SSBP4: variants seen among roughly 807,000 people sequenced by gnomAD.
SSBP4 encodes single stranded DNA binding protein 4.
A neutral mutation model predicts 64.6 loss-of-function variants in SSBP4; 33 were observed. That is an observed-to-expected ratio of 0.51 (90% CI 0.39 to 0.68). The LOEUF (loss-of-function observed/expected upper bound fraction) is 0.68. Ranked by LOEUF, SSBP4 falls within the 30% of genes least tolerant of loss-of-function variation. SSBP4 has a pLI of 0.00. For synonymous variants in SSBP4, 243 were observed against 224.0 expected, an observed-to-expected ratio of 1.08 and a Z score of -0.76; for missense variants, 583 against 566.8, an observed-to-expected ratio of 1.03 and a Z score of -0.29.
chr19:18,421,011 G>A (rs959298871), intron 1 of SSBP4, among the ~76,000 whole-genome samples: 1 of 151,984 alleles, frequency 6.6e-6, no homozygotes, highest in African/African-American at 2.4e-5. Context: ...CAGCAGGGAG[G>A]GGTCCCATGA....
chr19:18,434,261 C>CGGGCCTCTCTGCGGGCCT lies in SSBP4; in HGVS notation c.*16_*33dup. ...TGAGCGTGTGATGGGGCGGCAGCCCCGGGCCTCTCTGCGGGCCTAGGCTTC... is the reference window on the plus strand; with the variant it reads ...TGAGCGTGTGATGGGGCGGCAGCCCCGGGCCTCTCTGCGGGCCTGGGCCTCTCTGCGGGCCTAGGCTTC... On this transcript the variant is annotated 3_prime_UTR_variant, in exon 18 of 18. Transcript: ENST00000270061. The CGGGCCTCTCTGCGGGCCT allele has an allele frequency of 6.2e-7, 1 of 1,610,886 alleles. No homozygotes were observed. Among genetic ancestry groups the CGGGCCTCTCTGCGGGCCT allele is most frequent in the Non-Finnish European group, 8.5e-7 (1 of 1,179,196 alleles).
the SSBP4 span, among the ~76,000 whole-genome samples, chr19:18,413,284 C>T: frequency 2.6e-5 from 4 of 151,828 alleles, no homozygotes; most frequent in Non-Finnish European, 5.9e-5. Flanking sequence ...TCTCAGCTCA[C>T]GGCAACCTCC....
chr19:18,416,674 C>T (rs1972133079), upstream of SSBP4, among the ~76,000 whole-genome samples: 2 of 152,256 alleles, frequency 1.3e-5, no homozygotes, highest in South Asian at 4.1e-4. Flanking sequence ...CTGGCTCTGC[C>T]TCCAGCGCCT....
rs75933304 is a variant in SSBP4, at chr19:18,424,168, C to G, written c.60-3183C>G. ...CCGAAAACTTCCTTTGGCCTCCCAT[C>G]GCTCCCAGGATAAACTCCCAAATCC... On this transcript the variant is annotated intron_variant, in intron 1 of 17. Coordinates refer to ENST00000270061, the MANE Select transcript of SSBP4 (RefSeq NM_032627.5). Among the ~76,000 whole-genome samples the G allele has an allele frequency of 7.7e-3, 1,170 of 152,358 alleles. 16 individuals carry two copies. The highest frequency in any genetic ancestry group is 0.026 in the African/African-American group (1,090 of 41,584).
chr19:18,427,134 G>A lies in SSBP4; in HGVS notation c.60-217G>A, dbSNP rs1972911264. 1.3e-5 allele frequency among the ~76,000 whole-genome samples: 2 copies of A among 152,180 alleles called. No homozygotes were observed. Among genetic ancestry groups the A allele is most frequent in the African/African-American group, 2.4e-5 (1 of 41,436 alleles). ...AGGACATGGCCAGGACTTGGTCCTC[G>A]AGGGAGCGTGGAACACAGCCGAATT... On this transcript the variant is annotated intron_variant, in intron 1 of 17. Transcript: ENST00000270061. This position sits in a 1 kb window ranked among gnomAD's most constrained non-coding sequence, Gnocchi z 4.4.
chr19:18,433,325 T>C (rs1973632453), intron 15 of SSBP4, 112 bp downstream of exon 15: 2 of 1,404,960 alleles, frequency 1.4e-6, no homozygotes, highest in Admixed American at 4.5e-5. Context: ...AGTGGCGTCC[T>C]GAGCCCCCCG....
Position 18,432,579 on chromosome 19 carries a change from C to G in SSBP4, c.725C>G (p.Pro242Arg). ...AMNMGPGVRG[P>R]WASPSGNSIP... ...TCCAGGGGCCCAGGAGTTCGTGGCC[C>G]GTGGGCCAGCCCCAGTGGAAACTCG... The change falls in exon 11 of 18, where the codon CCG (proline) becomes CGG (arginine). Residue 242 changes from proline (P) to arginine (R), a missense_variant. Transcript: ENST00000270061. The G allele has an allele frequency of 7.6e-7, 1 of 1,313,102 alleles. No homozygotes were observed. Among genetic ancestry groups the G allele is most frequent in the Non-Finnish European group, 1.0e-6 (1 of 998,666 alleles). 81.3% of individuals were successfully genotyped at this position (1,313,102 alleles called of 1,614,324 possible).
At chr19:18,418,942 G>A (rs1972236727), upstream of SSBP4, 3 of 984,094 alleles carry the variant, frequency 3.0e-6, no homozygotes, top group African/African-American at 1.7e-5. This position sits in a 1 kb window ranked among gnomAD's most constrained non-coding sequence, Gnocchi z 6.7. Flanking sequence ...CGCTGGGCGG[G>A]CTGTATGTGC....
At position 18,426,675 on chromosome 19, in the gene SSBP4, G is replaced by C. The variant is rs1213198700; in HGVS notation, c.60-676G>C. On this transcript the variant is annotated intron_variant, in intron 1 of 17. Transcript: ENST00000270061. This position sits in a 1 kb window ranked among gnomAD's most constrained non-coding sequence, Gnocchi z 4.5. ...AGTGGTTGGGAGGGTGAGTCCAGGG[G>C]TCCCTGGCAGGCTGGGGACTCGCGC... 6.6e-6 allele frequency among the ~76,000 whole-genome samples: 1 copy of C among 152,140 alleles called. No homozygotes were observed. Among genetic ancestry groups the C allele is most frequent in the East Asian group, 1.9e-4 (1 of 5,188 alleles).
At chr19:18,408,003 C>T in the SSBP4 span, among the ~76,000 whole-genome samples, 143 of 151,874 alleles carry the variant, frequency 9.4e-4, no homozygotes, top group Non-Finnish European at 1.6e-3. Flanking sequence ...CCTTGGCCTC[C>T]CAGAGTGCTG....
intron 15 of SSBP4, 160 bp downstream of exon 15, chr19:18,433,373 G>T: frequency 7.9e-7 from 1 of 1,265,876 alleles, no homozygotes; most frequent in South Asian, 1.4e-5. Context: ...CGAGCTGGAG[G>T]GGGATCCAGC....
the SSBP4 span, among the ~76,000 whole-genome samples, chr19:18,405,706 G>C: frequency 6.6e-6 from 1 of 151,948 alleles, no homozygotes; most frequent in Admixed American, 6.6e-5. Context: ...GATGGGGTTG[G>C]CCAAGTGCAG....
chr19:18,427,275 C>T lies in SSBP4; in HGVS notation c.60-76C>T. ...GGAGGCCACCTTTCCACCCGCCCTC[C>T]TGAGAGATGGAGGGGCTTTGGGGTG... On this transcript the variant is annotated intron_variant, in intron 1 of 17. Coordinates refer to ENST00000270061, the MANE Select transcript of SSBP4 (RefSeq NM_032627.5). This position sits in a 1 kb window ranked among gnomAD's most constrained non-coding sequence, Gnocchi z 4.4. 5.2e-6 allele frequency: 8 copies of T among 1,524,646 alleles called. No homozygotes were observed. Among genetic ancestry groups the T allele is most frequent in the Non-Finnish European group, 7.1e-6 (8 of 1,119,944 alleles). 94.4% of individuals were successfully genotyped at this position (1,524,646 alleles called of 1,614,324 possible).
At position 18,419,546 on chromosome 19, in the gene SSBP4, G is replaced by C. The variant is rs1436496963; in HGVS notation, c.-103G>C. ...TGCCTGCCGTGCCCGCCTGGGGCTC[G>C]GGGCGGTGAGGCCCGGGGCGCGGGG... On this transcript the variant is annotated 5_prime_UTR_variant, in exon 1 of 18. Coordinates refer to ENST00000270061, the MANE Select transcript of SSBP4 (RefSeq NM_032627.5). 45 of 1,146,516 alleles carry C rather than the reference G, an allele frequency of 3.9e-5. No individual in the cohort carries two copies. The East Asian group carries it at 1.8e-3, about 45-fold the overall frequency. The allele number at this position is 1,146,516 out of a possible 1,614,324, so 71.0% of individuals were successfully genotyped here. A position where few individuals can be genotyped will look rare whatever the true frequency, so the allele number is the denominator to read the frequency against.
intron 6 of SSBP4, 84 bp from the exon 7 acceptor site, chr19:18,431,563 C>G: frequency 6.7e-7 from 1 of 1,484,534 alleles, no homozygotes; most frequent in East Asian, 2.5e-5. Context: ...CTCCCCAGGT[C>G]GGGGGCCCCA....
chr19:18,433,245 G>GCCTTCCGGGC, intron 15 of SSBP4, 32 bp downstream of exon 15: 1 of 1,539,592 alleles, frequency 6.5e-7, no homozygotes, highest in Non-Finnish European at 8.8e-7. Flanking sequence ...CGCCCACGTT[G>GCCTTCCGGGC]CCTTCCGGGC....
intron 8 of SSBP4, 23 bp from the exon 9 acceptor site, chr19:18,431,977 C>T (rs1239292089): frequency 5.8e-6 from 9 of 1,550,616 alleles, no homozygotes; most frequent in Non-Finnish European, 7.0e-6. Context: ...GGTCCAAGTC[C>T]CCTTCCTTCT....
intron 1 of SSBP4, chr19:18,420,152 G>A (rs967771063): frequency 3.9e-5 from 6 of 152,156 alleles, no homozygotes; most frequent in Non-Finnish European, 7.3e-5. Context: ...GGACGAACAA[G>A]AGTGTCGGCT....
intron 6 of SSBP4, 73 bp from the exon 7 acceptor site, chr19:18,431,574 G>T: frequency 1.3e-6 from 2 of 1,502,894 alleles, no homozygotes; most frequent in Non-Finnish European, 1.8e-6. Flanking sequence ...GGGGGCCCCA[G>T]CATAGCAGGA....
Sources: allele counts gnomAD v4.1 joint callset (sites outside exome capture counted in the v4.1 genomes callset), GRCh38; gene constraint gnomAD v4.1.1; non-coding constraint Gnocchi (gnomAD v3.1); transcripts MANE v1.5; gene names NCBI Gene and HGNC (gene_info 2026-07-23, HGNC 2026-07-21).